C1orf21: variants seen among roughly 807,000 people sequenced by gnomAD.
C1orf21 encodes uncharacterized protein C1orf21.
C1orf21 carries 3 observed loss-of-function variants against 18.7 expected under a neutral mutation model. The observed-to-expected ratio is 0.16, with a 90% confidence interval of 0.07 to 0.42. The LOEUF is 0.42. C1orf21 is among the 10% of genes least tolerant of loss of function. The pLI is 0.99. For synonymous variants in C1orf21, 41 were observed against 46.4 expected (o/e 0.88, Z 0.47); for missense variants, 104 against 143.6 (o/e 0.72, Z 1.41).
At chr1:184,396,123 T>C (rs904903278) in intron 1 of C1orf21, among the ~76,000 whole-genome samples, 2 of 152,096 alleles carry the variant, frequency 1.3e-5, no homozygotes, top group Admixed American at 1.3e-4. Flanking sequence ...TAGAGAGCAA[T>C]GGGAGATGAG....
chr1:184,601,442 G>A (rs1353534764), intron 5 of C1orf21, among the ~76,000 whole-genome samples: 1 of 152,138 alleles, frequency 6.6e-6, no homozygotes, highest in East Asian at 1.9e-4. Context: ...AGGACTGAAA[G>A]GTGGTTTCAT....
intron 1 of C1orf21, among the ~76,000 whole-genome samples, chr1:184,451,405 C>G (rs1054442898): frequency 6.6e-6 from 1 of 151,850 alleles, no homozygotes; most frequent in Non-Finnish European, 1.5e-5. Flanking sequence ...ACCCTCCTAC[C>G]TCAGGTTCTC....
chr1:184,560,280 A>G (rs1351925727), intron 3 of C1orf21, among the ~76,000 whole-genome samples: 2 of 152,188 alleles, frequency 1.3e-5, no homozygotes, highest in African/African-American at 4.8e-5. Flanking sequence ...ATTAGTACAT[A>G]ACAGATATTA....
At chr1:184,522,789 G>A (rs1658322333) in intron 3 of C1orf21, among the ~76,000 whole-genome samples, 1 of 152,202 alleles carries the variant, frequency 6.6e-6, no homozygotes, top group Non-Finnish European at 1.5e-5. Flanking sequence ...CCAGGCTTGG[G>A]CAATTCCCCC....
chr1:184,405,551 A>G (rs72735673), intron 1 of C1orf21, among the ~76,000 whole-genome samples: 6,667 of 152,032 alleles, frequency 0.044, 210 homozygotes, highest in Non-Finnish European at 0.071. Flanking sequence ...CAGTTCCCCC[A>G]TTCTTGCTAC....
chr1:184,554,119 A>G (rs1173216467), intron 3 of C1orf21, among the ~76,000 whole-genome samples: 1 of 152,216 alleles, frequency 6.6e-6, no homozygotes, highest in Non-Finnish European at 1.5e-5. Context: ...CAGGTTGAGA[A>G]GGCTACTTTA....
At chr1:184,448,050 T>G (rs751840124) in intron 1 of C1orf21, among the ~76,000 whole-genome samples, 10 of 152,188 alleles carry the variant, frequency 6.6e-5, no homozygotes, top group Non-Finnish European at 1.5e-4. Context: ...GCTTCTGTCT[T>G]GACAACATGG....
chr1:184,601,184 A>AT (rs772079737), intron 5 of C1orf21, among the ~76,000 whole-genome samples: 5 of 152,206 alleles, frequency 3.3e-5, no homozygotes, highest in African/African-American at 4.8e-5. Context: ...GAGTTTTAAG[A>AT]TTTCATCTCT....
chr1:184,538,333 A>C (rs1418580246), intron 3 of C1orf21, among the ~76,000 whole-genome samples: 1 of 152,078 alleles, frequency 6.6e-6, no homozygotes, highest in Non-Finnish European at 1.5e-5. Flanking sequence ...TTTCTTGTTA[A>C]GTTTTAGGAA....
intron 4 of C1orf21, among the ~76,000 whole-genome samples, chr1:184,593,769 T>C (rs1659478240): frequency 6.6e-6 from 1 of 152,192 alleles, no homozygotes; most frequent in South Asian, 2.1e-4. Context: ...CACCACACTA[T>C]AGTCACACAA....
At chr1:184,503,077 CAAAAAAA>C (rs199599189) in intron 2 of C1orf21, among the ~76,000 whole-genome samples, 18,997 of 61,578 alleles carry the variant, frequency 0.31, 1,477 homozygotes, top group Admixed American at 0.43. Context: ...GAAACTGTCT[CAAAAAAA>C]AAAAAAAAAA....
chr1:184,442,107 T>C (rs1408785150), intron 1 of C1orf21, among the ~76,000 whole-genome samples: 1 of 152,232 alleles, frequency 6.6e-6, no homozygotes, highest in Non-Finnish European at 1.5e-5. Flanking sequence ...CCTTCTAATA[T>C]CAGTATATTC....
At chr1:184,615,203 A>G (rs1558015516) in intron 5 of C1orf21, among the ~76,000 whole-genome samples, 1 of 152,172 alleles carries the variant, frequency 6.6e-6, no homozygotes, top group Non-Finnish European at 1.5e-5. Context: ...ACATCAACTT[A>G]CACTTCCAGG....
chr1:184,396,666 A>T (rs1212415460), intron 1 of C1orf21, among the ~76,000 whole-genome samples: 1 of 152,144 alleles, frequency 6.6e-6, no homozygotes, highest in African/African-American at 2.4e-5. Context: ...CAGCTCAGTC[A>T]TCATTTTCTC....
At chr1:184,616,021 C>G (rs983260803) in intron 5 of C1orf21, among the ~76,000 whole-genome samples, 1 of 152,166 alleles carries the variant, frequency 6.6e-6, no homozygotes, top group African/African-American at 2.4e-5. Context: ...CTGTTGAACA[C>G]TAGAATGTAT....
At chr1:184,398,015 G>A (rs1045296327) in intron 1 of C1orf21, among the ~76,000 whole-genome samples, 6 of 152,042 alleles carry the variant, frequency 3.9e-5, no homozygotes, top group African/African-American at 4.8e-5. Flanking sequence ...ACTCATTCTC[G>A]GACTCCACTG....
At chr1:184,463,574 ATCT>A (rs1657341057) in intron 1 of C1orf21, among the ~76,000 whole-genome samples, 2 of 152,324 alleles carry the variant, frequency 1.3e-5, no homozygotes, top group South Asian at 4.1e-4. Context: ...ATGTTTATTA[ATCT>A]TCTACTTTGT....
At chr1:184,589,664 AAAC>A (rs1659410382) in intron 3 of C1orf21, among the ~76,000 whole-genome samples, 2 of 152,394 alleles carry the variant, frequency 1.3e-5, no homozygotes, top group South Asian at 2.1e-4. Flanking sequence ...TCCTAAAAGA[AAAC>A]AAACAAAATC....
chr1:184,468,863 A>G (rs1471767645), intron 1 of C1orf21, among the ~76,000 whole-genome samples: 2 of 151,772 alleles, frequency 1.3e-5, no homozygotes, highest in African/African-American at 4.8e-5. Context: ...AGATGCAGTG[A>G]GCCGAGATTG....
Sources: gnomAD v4.1 joint callset for allele counts (sites outside exome capture counted in the v4.1 genomes callset) on GRCh38, gnomAD v4.1.1 for gene constraint, MANE v1.5 for transcripts, NCBI Gene and HGNC (gene_info 2026-07-23, HGNC 2026-07-21) for gene names.